ZNF600: variants seen among roughly 807,000 people sequenced by gnomAD.
The protein encoded by ZNF600 is zinc finger protein 600, also known as zinc finger protein KR-ZNF1.
In ZNF600, 4 loss-of-function variants were observed where a neutral mutation model predicts 7.3. The ratio of observed to expected loss-of-function variants is 0.55; its 90% confidence interval spans 0.27 to 1.25. ZNF600 has a LOEUF of 1.25. Among genes scored for constraint, ZNF600 ranks in the 50% most tolerant of loss-of-function variants. ZNF600 has a pLI of 0.12. For synonymous variants in ZNF600, 290 were observed against 308.9 expected, an observed-to-expected ratio of 0.94 and a Z score of 0.64; for missense variants, 911 against 922.1, an observed-to-expected ratio of 0.99 and a Z score of 0.16.
At chr19:52,765,595 G>C (rs1304915665) in exon 4 of ZNF600, 6 of 1,613,142 alleles carry the variant, frequency 3.7e-6, no homozygotes, top group African/African-American at 2.7e-5. Context: ...CATTAGTCAA[G>C]TTTCCCTACA....
At chr19:52,801,816 C>G in the ZNF600 span, 7 of 1,030,174 alleles carry the variant, frequency 6.8e-6, no homozygotes, top group Non-Finnish European at 9.8e-6. Flanking sequence ...CAAACATGAT[C>G]TTCAAAGTTT....
chr19:52,801,664 T>C, the ZNF600 span: 15 of 1,611,680 alleles, frequency 9.3e-6, no homozygotes, highest in East Asian at 6.7e-5. Context: ...CCTTGCCCTG[T>C]TGAGAAGAAT....
At chr19:52,767,749 T>C (rs2062600302) in exon 4 of ZNF600, 3 of 1,579,542 alleles carry the variant, frequency 1.9e-6, no homozygotes, top group Non-Finnish European at 2.6e-6. Context: ...AAGACCTCCT[T>C]CATCATGCGT....
chr19:52,811,702 C>T, the ZNF600 span, among the ~76,000 whole-genome samples: 11 of 149,502 alleles, frequency 7.4e-5, no homozygotes, highest in Admixed American at 4.0e-4. Flanking sequence ...CCGGCAACCA[C>T]CCCGTCTGGG....
At chr19:52,783,601 T>C (rs946003265) in intron 1 of ZNF600, among the ~76,000 whole-genome samples, 1 of 152,264 alleles carries the variant, frequency 6.6e-6, no homozygotes, top group Admixed American at 6.5e-5. Context: ...GACCTAGTGA[T>C]CCGCCCGCCT....
the ZNF600 span, among the ~76,000 whole-genome samples, chr19:52,820,868 T>C: frequency 6.6e-6 from 1 of 152,118 alleles, no homozygotes; most frequent in Non-Finnish European, 1.5e-5. Flanking sequence ...TCATTCTTCT[T>C]TTCTCTGTCT....
upstream of ZNF600, among the ~76,000 whole-genome samples, chr19:52,788,240 C>T (rs2062781398): frequency 6.6e-6 from 1 of 152,114 alleles, no homozygotes. Flanking sequence ...ACGTGTGAGG[C>T]AGGATGCTTC....
the ZNF600 span, chr19:52,810,513 T>G: frequency 6.3e-7 from 1 of 1,591,956 alleles, no homozygotes; most frequent in Non-Finnish European, 8.6e-7. Context: ...GGAAGGCAAA[T>G]CAAGGTGATC....
At chr19:52,825,440 G>A in the ZNF600 span, among the ~76,000 whole-genome samples, 3 of 152,120 alleles carry the variant, frequency 2.0e-5, no homozygotes, top group African/African-American at 4.8e-5. Context: ...TTGGGAGGCC[G>A]AGGAGGGAGG....
chr19:52,817,356 G>A, the ZNF600 span, among the ~76,000 whole-genome samples: 1 of 152,108 alleles, frequency 6.6e-6, no homozygotes, highest in African/African-American at 2.4e-5. Flanking sequence ...TGGATAACAA[G>A]AGTGAAACTC....
chr19:52,779,017 G>A (rs988547832), intron 1 of ZNF600, 110 bp from the exon 4 acceptor site: 32 of 936,012 alleles, frequency 3.4e-5, no homozygotes, highest in Middle Eastern at 2.3e-4. Context: ...GTCCCCCACC[G>A]CCCACTGCAC....
the ZNF600 span, chr19:52,800,886 A>G: frequency 4.1e-5 from 66 of 1,613,762 alleles, no homozygotes; most frequent in South Asian, 7.0e-4. Flanking sequence ...TCCAGTATAA[A>G]TTATCTTATG....
chr19:52,811,606 C>T, the ZNF600 span, among the ~76,000 whole-genome samples: 9 of 146,570 alleles, frequency 6.1e-5, no homozygotes, highest in African/African-American at 1.3e-4. Flanking sequence ...AGGTGAGGAG[C>T]GTCTCTGCCC....
chr19:52,824,141 C>G, the ZNF600 span, among the ~76,000 whole-genome samples: 1 of 151,576 alleles, frequency 6.6e-6, no homozygotes, highest in Non-Finnish European at 1.5e-5. Context: ...CTGAGTGAGA[C>G]TCCGTCTCAA....
intron 3 of ZNF600, among the ~76,000 whole-genome samples, chr19:52,770,922 C>G (rs1230880206): frequency 6.6e-6 from 1 of 152,068 alleles, no homozygotes; most frequent in Non-Finnish European, 1.5e-5. Flanking sequence ...CAGTCTCTAC[C>G]TCCCAGGTTC....
chr19:52,786,714 G>A (rs1225417267), exon 1 of ZNF600: 1 of 357,294 alleles, frequency 2.8e-6, no homozygotes, highest in Non-Finnish European at 5.9e-6. Context: ...CTTAATCCAA[G>A]GCAGAGCAAA....
chr19:52,820,516 T>C, the ZNF600 span, among the ~76,000 whole-genome samples: 2 of 152,020 alleles, frequency 1.3e-5, no homozygotes, highest in Non-Finnish European at 2.9e-5. Context: ...CCCTGTTAAA[T>C]TCTCTCTTCT....
chr19:52,779,246 T>A (rs1320496796), intron 1 of ZNF600, among the ~76,000 whole-genome samples: 2 of 152,092 alleles, frequency 1.3e-5, no homozygotes, highest in Non-Finnish European at 2.9e-5. Flanking sequence ...CAGGCTGAGC[T>A]CAGCCCTCAG....
chr19:52,776,519 C>G (rs370166444), intron 2 of ZNF600, among the ~76,000 whole-genome samples: 1 of 151,862 alleles, frequency 6.6e-6, no homozygotes, highest in Admixed American at 6.6e-5. Flanking sequence ...TCAAGCAATT[C>G]TCTTGCCTCA....
Sources: allele counts gnomAD v4.1 joint callset (sites outside exome capture counted in the v4.1 genomes callset), GRCh38; gene constraint gnomAD v4.1.1; transcripts MANE v1.5; gene names NCBI Gene and HGNC (gene_info 2026-07-23, HGNC 2026-07-21).